The following PLPPR1 variants were observed in gnomAD, a reference collection of about 807,000 sequenced individuals.
The protein encoded by PLPPR1 is phospholipid phosphatase-related protein type 1.
In PLPPR1, 10 loss-of-function variants were observed where a neutral mutation model predicts 33.1. The ratio of observed to expected loss-of-function variants is 0.30; its 90% CI spans 0.19 to 0.51. The LOEUF (loss-of-function observed/expected upper bound fraction) is 0.51, where lower values mean the gene tolerates loss of function less well. PLPPR1 is among the 20% of genes least tolerant of loss of function. The pLI, the probability that PLPPR1 is intolerant of heterozygous loss-of-function variation, is 0.97. For synonymous variants in PLPPR1, 151 were observed against 151.0 expected (o/e 1.00, Z 0.00); for missense variants, 304 against 408.1 (o/e 0.74, Z 2.20).
At chr9:101,144,208 T>C (rs1299597405) in intron 1 of PLPPR1, among the ~76,000 whole-genome samples, 4 of 151,962 alleles carry the variant, frequency 2.6e-5, no homozygotes, top group Non-Finnish European at 5.9e-5. Context: ...TAGGTGGGAA[T>C]TGAACAAAGA....
At chr9:101,298,896 T>C (rs1334272923) in intron 4 of PLPPR1, among the ~76,000 whole-genome samples, 2 of 152,070 alleles carry the variant, frequency 1.3e-5, no homozygotes, top group African/African-American at 4.8e-5. Context: ...AGAAGCTGTA[T>C]ACCATGAGAA....
At chr9:101,284,915 A>G (rs1318432814) in intron 3 of PLPPR1, among the ~76,000 whole-genome samples, 1 of 152,216 alleles carries the variant, frequency 6.6e-6, no homozygotes, top group Non-Finnish European at 1.5e-5. Context: ...TAGGAAAATC[A>G]AAATGGCATA....
At chr9:101,169,029 G>A (rs1465324449) in intron 1 of PLPPR1, among the ~76,000 whole-genome samples, 5 of 152,124 alleles carry the variant, frequency 3.3e-5, no homozygotes, top group African/African-American at 1.2e-4. Context: ...AGCAAGAAGA[G>A]AATACAAATA....
intron 2 of PLPPR1, among the ~76,000 whole-genome samples, chr9:101,231,943 T>G (rs1827195590): frequency 6.6e-6 from 1 of 152,062 alleles, no homozygotes; most frequent in African/African-American, 2.4e-5. Flanking sequence ...AACTCCCTAT[T>G]CTTGATCATC....
In PLPPR1 at chr9:101,324,139, C is replaced by T; in HGVS notation, c.*82C>T. On this transcript the variant is annotated 3_prime_UTR_variant, in exon 8 of 8. Coordinates refer to ENST00000374874, the MANE Select transcript of PLPPR1 (RefSeq NM_207299.2). ...AAACACACAGTTGCTCAATGTCAAACTGTGATGACAAATATTACGTTTATC... is the reference window on the plus strand; with the variant it reads ...AAACACACAGTTGCTCAATGTCAAATTGTGATGACAAATATTACGTTTATC... The T allele has an allele frequency of 5.1e-6, 6 of 1,165,388 alleles. No individual in the cohort carries two copies. Among genetic ancestry groups the T allele is most frequent in the Non-Finnish European group, 6.3e-6 (5 of 787,924 alleles). 72.2% of individuals were successfully genotyped at this position (1,165,388 alleles called of 1,614,324 possible).
At chr9:101,299,504 T>A (rs2000166) in intron 4 of PLPPR1, among the ~76,000 whole-genome samples, 18,230 of 152,160 alleles carry the variant, frequency 0.12, 1,853 homozygotes, top group African/African-American at 0.27. Flanking sequence ...TCCCCTTTGA[T>A]TGTCATCCTT....
At chr9:101,205,479 C>T (rs1826571848) in intron 2 of PLPPR1, among the ~76,000 whole-genome samples, 1 of 152,092 alleles carries the variant, frequency 6.6e-6, no homozygotes, top group South Asian at 2.1e-4. Context: ...GCATTGCTAT[C>T]TACAGGAAAA....
intron 2 of PLPPR1, among the ~76,000 whole-genome samples, chr9:101,250,305 G>A (rs975812277): frequency 6.6e-6 from 1 of 151,984 alleles, no homozygotes; most frequent in Non-Finnish European, 1.5e-5. Context: ...ACACAGCTCT[G>A]TGCATCTCGA....
chr9:101,225,522 C>G (rs1313795236), intron 2 of PLPPR1, among the ~76,000 whole-genome samples: 2 of 152,256 alleles, frequency 1.3e-5, no homozygotes, highest in Admixed American at 6.5e-5. Flanking sequence ...CTCCTGTTTC[C>G]CAGAATTTCT....
intron 1 of PLPPR1, among the ~76,000 whole-genome samples, chr9:101,119,829 C>T (rs79784295): frequency 0.018 from 2,762 of 152,276 alleles, 88 homozygotes; most frequent in African/African-American, 0.063. Context: ...ATAATCTCCT[C>T]CCCATCCTTC....
intron 2 of PLPPR1, among the ~76,000 whole-genome samples, chr9:101,230,725 T>C (rs1197276843): frequency 6.6e-6 from 1 of 152,026 alleles, no homozygotes; most frequent in African/African-American, 2.4e-5. Flanking sequence ...TCAAAACCCA[T>C]CGTGGGCTAA....
At chr9:101,184,075 A>G (rs1864662) in intron 1 of PLPPR1, among the ~76,000 whole-genome samples, 131,654 of 151,684 alleles carry the variant, frequency 0.87, 57,416 homozygotes, top group East Asian at 0.97. Flanking sequence ...AATGATGGTT[A>G]TCCAATCAAT....
chr9:101,261,916 C>A (rs536646395), intron 2 of PLPPR1, among the ~76,000 whole-genome samples: 4 of 152,066 alleles, frequency 2.6e-5, no homozygotes, highest in South Asian at 2.1e-4. Flanking sequence ...GTACAACAAA[C>A]CCCCATGACA....
chr9:101,091,405 G>T (rs991976293), intron 1 of PLPPR1, among the ~76,000 whole-genome samples: 1 of 152,250 alleles, frequency 6.6e-6, no homozygotes, highest in East Asian at 1.9e-4. Flanking sequence ...TTGGCAGGGC[G>T]GCATGTCTTC....
At chr9:101,111,455 G>A (rs1831055573) in intron 1 of PLPPR1, among the ~76,000 whole-genome samples, 1 of 152,090 alleles carries the variant, frequency 6.6e-6, no homozygotes, top group African/African-American at 2.4e-5. Context: ...TTTCTATTTA[G>A]CAGTCAATTC....
chr9:101,226,289 A>G (rs2118804996), intron 2 of PLPPR1, among the ~76,000 whole-genome samples: 1 of 152,132 alleles, frequency 6.6e-6, no homozygotes, highest in Middle Eastern at 3.4e-3. Flanking sequence ...CACTCATCCC[A>G]TTCCATTTCA....
intron 2 of PLPPR1, among the ~76,000 whole-genome samples, chr9:101,248,127 A>G (rs1445067332): frequency 6.6e-6 from 1 of 152,038 alleles, no homozygotes; most frequent in Non-Finnish European, 1.5e-5. Context: ...CACCCTAGTT[A>G]TGGCAGTTCG....
intron 1 of PLPPR1, among the ~76,000 whole-genome samples, chr9:101,060,421 T>A (rs1830331859): frequency 6.6e-6 from 1 of 152,018 alleles, no homozygotes; most frequent in Admixed American, 6.6e-5. Context: ...ACAGTTAACA[T>A]ATTGTATATT....
In PLPPR1 at chr9:101,309,212, G is replaced by T. The variant is rs1828910992; in HGVS notation, c.387G>T (p.Gly129=). ...PLLRRIIRFT[G]VFAFGLFATD... ...TAATGATTTTAAATCTTCTTATAGGGGTGTTTGCATTTGGACTTTTTGCTA... is the reference window on the plus strand; with the variant it reads ...TAATGATTTTAAATCTTCTTATAGGTGTGTTTGCATTTGGACTTTTTGCTA... The change falls in exon 5 of 8, where the codon GGG becomes GGT. Residue 129 remains glycine (G), a splice_region_variant and synonymous_variant. Transcript: ENST00000374874. The T allele has an allele frequency of 2.5e-6, 4 of 1,614,024 alleles. No homozygotes were observed. Among genetic ancestry groups the T allele is most frequent in the Non-Finnish European group, 2.5e-6 (3 of 1,179,970 alleles).
Sources: allele counts gnomAD v4.1 joint callset (sites outside exome capture counted in the v4.1 genomes callset), GRCh38; gene constraint gnomAD v4.1.1; transcripts MANE v1.5; gene names NCBI Gene and HGNC (gene_info 2026-07-23, HGNC 2026-07-21).